The following MDFIC variants were observed in gnomAD, a reference collection of about 807,000 sequenced individuals.
MDFIC encodes the protein MyoD family inhibitor domain containing.
MDFIC carries 17 observed loss-of-function variants against 23.2 expected under a neutral mutation model. The observed-to-expected ratio is 0.73, with a 90% CI of 0.50 to 1.10. MDFIC has a LOEUF of 1.10. Ranked by LOEUF, MDFIC falls within the 50% of genes least tolerant of loss-of-function variation. The pLI is 0.00. For synonymous variants in MDFIC, 120 were observed against 115.2 expected, an observed-to-expected ratio of 1.04 and a Z score of -0.27; for missense variants, 356 against 316.6, an observed-to-expected ratio of 1.12 and a Z score of -0.95.
chr7:114,947,313 A>G (rs533979927), intron 3 of MDFIC, among the ~76,000 whole-genome samples: 2 of 152,086 alleles, frequency 1.3e-5, no homozygotes, highest in Non-Finnish European at 2.9e-5. Context: ...TTCCTCCTCC[A>G]TTTGGCTCTC....
chr7:114,952,126 G>C (rs1792790517), intron 3 of MDFIC, among the ~76,000 whole-genome samples: 1 of 152,192 alleles, frequency 6.6e-6, no homozygotes, highest in Non-Finnish European at 1.5e-5. Flanking sequence ...TGTTTTATCA[G>C]CAAATTCCAA....
At chr7:114,981,162 A>G (rs1419740785) in intron 4 of MDFIC, among the ~76,000 whole-genome samples, 2 of 152,232 alleles carry the variant, frequency 1.3e-5, no homozygotes, top group Non-Finnish European at 2.9e-5. Context: ...GGGTGAAATA[A>G]TTGAATGCAA....
intron 2 of MDFIC, among the ~76,000 whole-genome samples, chr7:114,929,210 G>A (rs1378690985): frequency 2.0e-5 from 3 of 151,094 alleles, no homozygotes; most frequent in African/African-American, 7.3e-5. Flanking sequence ...GGGTTCAAGC[G>A]ATTCTTCTGC....
intron 3 of MDFIC, among the ~76,000 whole-genome samples, chr7:114,976,479 C>G (rs1233687843): frequency 6.6e-6 from 1 of 152,116 alleles, no homozygotes; most frequent in African/African-American, 2.4e-5. Context: ...AAATTCATCT[C>G]TAAATCAAAC....
intron 3 of MDFIC, among the ~76,000 whole-genome samples, chr7:114,950,525 A>G (rs1022732388): frequency 6.6e-6 from 1 of 152,244 alleles, no homozygotes; most frequent in African/African-American, 2.4e-5. Flanking sequence ...TTAATAGTCC[A>G]TAAGTTTCCT....
chr7:114,964,234 G>A (rs577881919), intron 3 of MDFIC, among the ~76,000 whole-genome samples: 1 of 152,136 alleles, frequency 6.6e-6, no homozygotes, highest in Non-Finnish European at 1.5e-5. Flanking sequence ...TTGACCTTAT[G>A]AATTATGTGC....
chr7:114,990,382 G>A (rs191592643), intron 4 of MDFIC, among the ~76,000 whole-genome samples: 163 of 151,862 alleles, frequency 1.1e-3, no homozygotes, highest in Non-Finnish European at 1.8e-3. Flanking sequence ...TTAAGTTCTA[G>A]GATACATGTG....
chr7:115,014,933 G>A (rs2116152710), intron 4 of MDFIC, among the ~76,000 whole-genome samples: 1 of 152,296 alleles, frequency 6.6e-6, no homozygotes, highest in Non-Finnish European at 1.5e-5. Flanking sequence ...TATTAGAGAT[G>A]TGTCAGGAGA....
intron 4 of MDFIC, among the ~76,000 whole-genome samples, chr7:115,011,917 T>G (rs1018678169): frequency 2.0e-5 from 3 of 152,226 alleles, no homozygotes; most frequent in Admixed American, 2.0e-4. Context: ...TTGGTTTGAA[T>G]CAGACACTAA....
chr7:115,010,726 C>T (rs1791666678), intron 4 of MDFIC, among the ~76,000 whole-genome samples: 1 of 152,138 alleles, frequency 6.6e-6, no homozygotes, highest in African/African-American at 2.4e-5. Flanking sequence ...ACATAAATAG[C>T]TACTGCATAT....
chr7:115,004,477 G>A lies in MDFIC; in HGVS notation c.494-11211G>A, dbSNP rs546205080. On this transcript the variant is annotated intron_variant, in intron 4 of 4. Coordinates refer to ENST00000393486, the MANE Select transcript of MDFIC (RefSeq NM_001166345.3). ...AGAAAAGAAAAAAAGGACAAAAAAC[G>A]AAACAATTGAACTCATTACTTACTC... 2.6e-4 allele frequency among the ~76,000 whole-genome samples: 39 copies of A among 152,280 alleles called. 2 individuals carry two copies. In the South Asian group the frequency reaches 6.0e-3, roughly 23 times the overall value.
At chr7:114,981,701 A>G (rs1793420485) in intron 4 of MDFIC, among the ~76,000 whole-genome samples, 1 of 152,234 alleles carries the variant, frequency 6.6e-6, no homozygotes, top group Admixed American at 6.5e-5. Flanking sequence ...TCTTCATTGT[A>G]AGACTATAGA....
chr7:114,950,144 A>C (rs1487594569), intron 3 of MDFIC, among the ~76,000 whole-genome samples: 2 of 152,194 alleles, frequency 1.3e-5, no homozygotes, highest in African/African-American at 2.4e-5. Flanking sequence ...AAATAGTGAG[A>C]AAATAAATAG....
rs1406897745 is a variant in MDFIC at position 115,015,978 on chromosome 7, A to G, written c.*43A>G. On this transcript the variant is annotated 3_prime_UTR_variant, in exon 5 of 5. Transcript: ENST00000393486. ...GTGTTAAAACTGGAGAGTGTTTAAA[A>G]ATTTCCTTTTGGGGGGAAGAAAAGC... 1 of 1,572,908 alleles carries G rather than the reference A, an allele frequency of 6.4e-7. No individual in the cohort carries two copies. The highest frequency in any genetic ancestry group is 8.6e-7 in the Non-Finnish European group (1 of 1,160,486).
At chr7:114,995,043 G>A (rs545067650) in intron 4 of MDFIC, among the ~76,000 whole-genome samples, 28 of 152,118 alleles carry the variant, frequency 1.8e-4, no homozygotes, top group African/African-American at 3.6e-4. Flanking sequence ...GACTTTGTTC[G>A]TTTCTTTTAC....
At chr7:114,926,809 C>T (rs1165851204) in intron 2 of MDFIC, among the ~76,000 whole-genome samples, 4 of 152,074 alleles carry the variant, frequency 2.6e-5, no homozygotes, top group Admixed American at 2.6e-4. Context: ...TTTGGGAAGC[C>T]AGTTTATTTC....
At chr7:114,955,922 T>G (rs967961341) in intron 3 of MDFIC, among the ~76,000 whole-genome samples, 1 of 152,190 alleles carries the variant, frequency 6.6e-6, no homozygotes, top group Non-Finnish European at 1.5e-5. Flanking sequence ...AGTATCACTA[T>G]TATTTATCTA....
chr7:114,974,084 A>G (rs1424764678), intron 3 of MDFIC, among the ~76,000 whole-genome samples: 4 of 152,162 alleles, frequency 2.6e-5, no homozygotes, highest in African/African-American at 9.7e-5. Flanking sequence ...TATAGGGTCC[A>G]TGTAGGGTCT....
chr7:114,954,656 C>G (rs1340802365), intron 3 of MDFIC, among the ~76,000 whole-genome samples: 1 of 152,182 alleles, frequency 6.6e-6, no homozygotes, highest in African/African-American at 2.4e-5. Context: ...CTAGTCCTCT[C>G]ATTACTGGGT....
Sources: allele counts gnomAD v4.1 joint callset (sites outside exome capture counted in the v4.1 genomes callset), GRCh38; gene constraint gnomAD v4.1.1; transcripts MANE v1.5; gene names NCBI Gene and HGNC (gene_info 2026-07-23, HGNC 2026-07-21).